KIF26B: variants seen among roughly 807,000 people sequenced by gnomAD.
KIF26B encodes the protein kinesin family member 26B, also known as kinesin-like protein KIF26B.
A neutral mutation model predicts 151.2 loss-of-function variants in KIF26B; 63 were observed. That is an observed-to-expected ratio of 0.42 (90% confidence interval 0.34 to 0.51). KIF26B has a LOEUF of 0.51. Ranked by LOEUF, KIF26B falls within the 20% of genes least tolerant of loss-of-function variation. KIF26B has a pLI of 0.07. For missense variants in KIF26B, 2,813 were observed against 2,913.6 expected (o/e 0.97, Z 0.79); for synonymous variants, 1,357 against 1,262.1 (o/e 1.08, Z -1.59).
intron 5 of KIF26B, among the ~76,000 whole-genome samples, chr1:245,567,476 A>G (rs1009632105): frequency 3.9e-5 from 6 of 151,942 alleles, no homozygotes; most frequent in Admixed American, 3.9e-4. Context: ...TCCCATCCCC[A>G]GGAGTCGCTG....
At chr1:245,620,093 G>A (rs574388041) in intron 9 of KIF26B, among the ~76,000 whole-genome samples, 84 of 151,906 alleles carry the variant, frequency 5.5e-4, no homozygotes, top group Middle Eastern at 3.4e-3. Context: ...TATGTTAGAG[G>A]GGGAATTATA....
intron 5 of KIF26B, among the ~76,000 whole-genome samples, chr1:245,592,253 A>C (rs2103137467): frequency 1.3e-5 from 2 of 152,274 alleles, no homozygotes; most frequent in Middle Eastern, 3.4e-3. Flanking sequence ...CACCTCGGAG[A>C]AGCCAGCCGC....
At chr1:245,378,458 C>G (rs1386693408) in intron 3 of KIF26B, among the ~76,000 whole-genome samples, 4 of 152,072 alleles carry the variant, frequency 2.6e-5, no homozygotes, top group African/African-American at 9.7e-5. Context: ...GGGGGTGAAA[C>G]AGGTGGGAGA....
chr1:245,165,099 A>G (rs771977257), intron 2 of KIF26B, among the ~76,000 whole-genome samples: 4 of 151,830 alleles, frequency 2.6e-5, no homozygotes, highest in African/African-American at 4.8e-5. Context: ...TGCTGTGAGA[A>G]TGAGCAAGAA....
At chr1:245,532,922 C>G (rs1439447595) in intron 4 of KIF26B, among the ~76,000 whole-genome samples, 1 of 152,150 alleles carries the variant, frequency 6.6e-6, no homozygotes, top group African/African-American at 2.4e-5. Flanking sequence ...CTTGGCTATG[C>G]CCAAATACTT....
intron 9 of KIF26B, among the ~76,000 whole-genome samples, chr1:245,629,580 TA>T (rs981623437): frequency 3.6e-4 from 55 of 152,120 alleles, no homozygotes; most frequent in African/African-American, 1.2e-3. Flanking sequence ...TTACACCTTA[TA>T]AAAAAATTAA....
intron 9 of KIF26B, among the ~76,000 whole-genome samples, chr1:245,641,563 T>A (rs757327388): frequency 1.3e-5 from 2 of 152,160 alleles, no homozygotes; most frequent in African/African-American, 2.4e-5. Context: ...TTTCAAATAG[T>A]CTTGTCTTTG....
At chr1:245,647,403 C>T (rs1158382621) in intron 10 of KIF26B, among the ~76,000 whole-genome samples, 1 of 105,648 alleles carries the variant, frequency 9.5e-6, no homozygotes, top group Non-Finnish European at 1.7e-5. Context: ...CCAGCCTGGG[C>T]AACAGAGCGA....
At chr1:245,346,259 T>C (rs1328636712) in intron 2 of KIF26B, among the ~76,000 whole-genome samples, 2 of 152,140 alleles carry the variant, frequency 1.3e-5, no homozygotes, top group African/African-American at 2.4e-5. Flanking sequence ...TATTTTTTTA[T>C]AGCAATGCAA....
At chr1:245,694,473 A>T (rs1222772656) in intron 12 of KIF26B, among the ~76,000 whole-genome samples, 1 of 152,180 alleles carries the variant, frequency 6.6e-6, no homozygotes. Flanking sequence ...CCCCAGGGGG[A>T]GCTGAGAGGG....
intron 10 of KIF26B, among the ~76,000 whole-genome samples, chr1:245,682,918 C>T (rs746517300): frequency 2.0e-5 from 3 of 152,314 alleles, no homozygotes; most frequent in Admixed American, 6.5e-5. Flanking sequence ...CCTCCTCCTC[C>T]TCCTCCTCCT....
chr1:245,367,181 T>G lies in KIF26B; in HGVS notation c.813T>G (p.Leu271=). The G allele has an allele frequency of 6.2e-7, 1 of 1,608,238 alleles. No homozygotes were observed. Among genetic ancestry groups the G allele is most frequent in the Non-Finnish European group, 8.5e-7 (1 of 1,177,482 alleles). The part of the protein sequence containing the change: ...ANKHGSKPSS[L]GVSNGAEKKS... ...AGCACGGCAGCAAACCCAGCAGCCT[T>G]GGGGTCAGCAATGGGGCGGAAAAGA... is the stretch of plus-strand genomic sequence containing the variant. The change falls in exon 3 of 15, where the codon CTT becomes CTG. Residue 271 remains leucine, a synonymous_variant. Coordinates refer to ENST00000407071, the MANE Select transcript of KIF26B (RefSeq NM_018012.4). This position sits in a 1 kb window ranked among gnomAD's most constrained non-coding sequence, Gnocchi z 4.2.
chr1:245,477,371 C>T (rs530279784), intron 4 of KIF26B, among the ~76,000 whole-genome samples: 11 of 151,118 alleles, frequency 7.3e-5, no homozygotes, highest in South Asian at 2.1e-4. Flanking sequence ...GGAACCAAGA[C>T]GAAGATTCCT....
chr1:245,298,369 T>G (rs1671373123), intron 2 of KIF26B, among the ~76,000 whole-genome samples: 1 of 152,188 alleles, frequency 6.6e-6, no homozygotes, highest in African/African-American at 2.4e-5. Flanking sequence ...AGCGGTAACA[T>G]GAACCTTGAA....
At chr1:245,536,644 G>T (rs1661492575) in intron 4 of KIF26B, among the ~76,000 whole-genome samples, 1 of 152,052 alleles carries the variant, frequency 6.6e-6, no homozygotes, top group African/African-American at 2.4e-5. Context: ...GGTTTCTGGG[G>T]GTCTAAAATT....
chr1:245,528,762 A>C (rs1353017374), intron 4 of KIF26B, among the ~76,000 whole-genome samples: 2 of 152,192 alleles, frequency 1.3e-5, no homozygotes, highest in African/African-American at 4.8e-5. Flanking sequence ...GCTCTCTCTT[A>C]AAAATATGAA....
chr1:245,289,145 TA>T (rs1671213341), intron 2 of KIF26B, among the ~76,000 whole-genome samples: 1 of 152,200 alleles, frequency 6.6e-6, no homozygotes, highest in Non-Finnish European at 1.5e-5. Flanking sequence ...CCATCACCAT[TA>T]ATTTTGGAAT....
chr1:245,693,662 C>T (rs2044654147), intron 12 of KIF26B, among the ~76,000 whole-genome samples: 1 of 152,108 alleles, frequency 6.6e-6, no homozygotes, highest in Non-Finnish European at 1.5e-5. Flanking sequence ...AATTGAGCTC[C>T]CAGGCTACCA....
chr1:245,580,942 G>A (rs1462781313), intron 5 of KIF26B, among the ~76,000 whole-genome samples: 6 of 152,222 alleles, frequency 3.9e-5, no homozygotes, highest in Non-Finnish European at 8.8e-5. Context: ...ACAGCATGAA[G>A]TTTGTTCTGC....
Sources: gnomAD v4.1 joint callset for allele counts (sites outside exome capture counted in the v4.1 genomes callset) on GRCh38, gnomAD v4.1.1 for gene constraint, Gnocchi (gnomAD v3.1) non-coding constraint, MANE v1.5 for transcripts, NCBI Gene and HGNC (gene_info 2026-07-23, HGNC 2026-07-21) for gene names.